Variants in IMMP2L observed in about 807,000 individuals in gnomAD.
IMMP2L encodes mitochondrial inner membrane protease subunit 2.
Under a neutral mutation model 19.3 loss-of-function variants are expected in IMMP2L, and 18 were observed. The observed-to-expected ratio is 0.93, with a 90% CI of 0.64 to 1.38. The LOEUF (loss-of-function observed/expected upper bound fraction) is 1.38, where lower values mean the gene tolerates loss of function less well. Among genes scored for constraint, IMMP2L ranks in the 40% most tolerant of loss-of-function variants. The pLI, the probability that IMMP2L is intolerant of heterozygous loss-of-function variation, is 0.00. For missense variants in IMMP2L, 233 were observed against 218.2 expected (o/e 1.07, Z -0.43); for synonymous variants, 76 against 73.0 (o/e 1.04, Z -0.21).
chr7:111,063,754 G>A (rs1794240391), intron 3 of IMMP2L, among the ~76,000 whole-genome samples: 1 of 152,128 alleles, frequency 6.6e-6, no homozygotes, highest in Non-Finnish European at 1.5e-5. Context: ...CAGTCTCTTT[G>A]CTAAAACATA....
chr7:111,148,035 T>C (rs1166705964), intron 3 of IMMP2L, among the ~76,000 whole-genome samples: 2 of 152,064 alleles, frequency 1.3e-5, no homozygotes, highest in African/African-American at 4.8e-5. Flanking sequence ...AAAACATATG[T>C]CTATGCTAAA....
intron 3 of IMMP2L, among the ~76,000 whole-genome samples, chr7:111,377,246 A>AAT (rs745587822): frequency 1.3e-4 from 19 of 151,766 alleles, no homozygotes; most frequent in Non-Finnish European, 2.7e-4. Context: ...TTCATATGTA[A>AAT]ATATATATAT....
chr7:111,197,164 A>G (rs948281135), intron 3 of IMMP2L, among the ~76,000 whole-genome samples: 1 of 152,162 alleles, frequency 6.6e-6, no homozygotes, highest in South Asian at 2.1e-4. Context: ...AATTCCTTTA[A>G]AAATGAACAA....
intron 3 of IMMP2L, among the ~76,000 whole-genome samples, chr7:111,288,967 A>G (rs1052253589): frequency 1.3e-5 from 2 of 152,198 alleles, no homozygotes; most frequent in African/African-American, 4.8e-5. Context: ...ACACAGGCAC[A>G]CATATGTTTA....
intron 3 of IMMP2L, among the ~76,000 whole-genome samples, chr7:111,301,921 T>TAAAAAAAA (rs59156229): frequency 1.9e-4 from 16 of 83,158 alleles, no homozygotes; most frequent in Non-Finnish European, 3.0e-4. Context: ...TTTCATGCTT[T>TAAAAAAAA]AAAAAAAAAA....
intron 5 of IMMP2L, among the ~76,000 whole-genome samples, chr7:110,872,683 C>A (rs542856222): frequency 6.6e-6 from 1 of 152,164 alleles, no homozygotes; most frequent in African/African-American, 2.4e-5. Context: ...GCACTTAACT[C>A]AAGCTAGGCC....
intron 5 of IMMP2L, among the ~76,000 whole-genome samples, chr7:110,742,456 C>T (rs6466357): frequency 0.95 from 144,611 of 152,244 alleles, 68,700 homozygotes; most frequent in East Asian, 0.98. Flanking sequence ...CAATGAAACA[C>T]TATGCGACTA....
At chr7:110,902,804 C>T (rs1812031291) in intron 4 of IMMP2L, among the ~76,000 whole-genome samples, 1 of 87,032 alleles carries the variant, frequency 1.1e-5, no homozygotes, top group African/African-American at 5.5e-5. Context: ...TAGTGGCGGG[C>T]GCCTGTAGTC....
At chr7:111,445,848 G>A (rs1053466466) in intron 3 of IMMP2L, among the ~76,000 whole-genome samples, 1 of 152,154 alleles carries the variant, frequency 6.6e-6, no homozygotes, top group Non-Finnish European at 1.5e-5. Flanking sequence ...CAGTGGGTGC[G>A]CGCACCGTGC....
chr7:110,914,120 G>A (rs1381082107), intron 4 of IMMP2L, among the ~76,000 whole-genome samples: 6 of 152,102 alleles, frequency 3.9e-5, no homozygotes, highest in Non-Finnish European at 7.4e-5. Context: ...CCTGGACCAC[G>A]TCCGCATCTT....
chr7:111,210,406 T>C (rs1187755216), intron 3 of IMMP2L, among the ~76,000 whole-genome samples: 1 of 152,196 alleles, frequency 6.6e-6, no homozygotes, highest in African/African-American at 2.4e-5. Context: ...ACAAAATTCC[T>C]CAAAACTACT....
At chr7:110,823,463 A>G (rs1191877765) in intron 5 of IMMP2L, among the ~76,000 whole-genome samples, 1 of 152,014 alleles carries the variant, frequency 6.6e-6, no homozygotes, top group Admixed American at 6.6e-5. Context: ...ATAATAATAT[A>G]TGGAGTATTC....
intron 2 of IMMP2L, chr7:111,492,533 A>G (rs1843199081): frequency 4.1e-6 from 1 of 245,332 alleles, no homozygotes; most frequent in Admixed American, 6.5e-5. Context: ...AGAATAAAAA[A>G]CATGCTGCAG....
chr7:111,539,379 A>G (rs1848320149), intron 1 of IMMP2L, among the ~76,000 whole-genome samples: 1 of 152,332 alleles, frequency 6.6e-6, no homozygotes, highest in African/African-American at 2.4e-5. Flanking sequence ...GTCCAAAAGC[A>G]GTAAAGATGG....
chr7:111,514,685 G>A (rs1028240407), intron 2 of IMMP2L, among the ~76,000 whole-genome samples: 2 of 152,076 alleles, frequency 1.3e-5, no homozygotes. Flanking sequence ...CTGGCATAAT[G>A]AACCACCATG....
intron 3 of IMMP2L, among the ~76,000 whole-genome samples, chr7:111,078,780 A>C (rs1017456031): frequency 6.6e-6 from 1 of 152,048 alleles, no homozygotes; most frequent in Non-Finnish European, 1.5e-5. Flanking sequence ...ACCCAGCCTG[A>C]AGTGCAATGG....
chr7:110,743,968 C>T (rs1797157898), intron 5 of IMMP2L, among the ~76,000 whole-genome samples: 1 of 152,100 alleles, frequency 6.6e-6, no homozygotes, highest in Admixed American at 6.5e-5. Flanking sequence ...TCTGGTTCGT[C>T]GGAGCCCAGA....
chr7:111,414,994 A>G (rs1202284259), intron 3 of IMMP2L, among the ~76,000 whole-genome samples: 1 of 151,818 alleles, frequency 6.6e-6, no homozygotes, highest in Admixed American at 6.6e-5. Context: ...ATGATGTTAC[A>G]TTATATGACA....
rs905437304 is a variant in IMMP2L at position 111,023,541 on chromosome 7, T to C, written c.240-59976A>G. On this transcript the variant is annotated intron_variant, in intron 3 of 5. Coordinates refer to ENST00000405709, the MANE Select transcript of IMMP2L (RefSeq NM_032549.4). ...ATCGTGAAACCCTGTCTACTAAAAA[T>C]ACAAAAAAAAAAAAAAAAATTAGCC... Among the ~76,000 whole-genome samples, 10 of 61,234 alleles carry C rather than the reference T, an allele frequency of 1.6e-4. No homozygotes were observed. In the East Asian group the frequency reaches 3.3e-3, roughly 20 times the overall value. 40.2% of individuals were successfully genotyped at this position (61,234 alleles called of 152,430 possible). A position where few individuals can be genotyped will look rare whatever the true frequency, so the allele number is the denominator to read the frequency against.
Sources: allele counts gnomAD v4.1 joint callset (sites outside exome capture counted in the v4.1 genomes callset), GRCh38; gene constraint gnomAD v4.1.1; transcripts MANE v1.5; gene names NCBI Gene and HGNC (gene_info 2026-07-23, HGNC 2026-07-21).